Variants in BRINP3 observed in about 807,000 individuals in gnomAD.
BRINP3 encodes BMP/retinoic acid-inducible neural-specific protein 3.
A neutral mutation model predicts 71.0 loss-of-function variants in BRINP3; 19 were observed. That is an observed-to-expected ratio of 0.27 (90% confidence interval 0.19 to 0.39). The LOEUF is 0.39. Ranked by LOEUF, BRINP3 falls within the 10% of genes least tolerant of loss-of-function variation. The probability of loss-of-function intolerance (pLI) is 1.00; values close to 1 mark genes in which losing one functional copy is unlikely to be tolerated. For synonymous variants in BRINP3, 380 were observed against 337.7 expected (o/e 1.13, Z -1.37); for missense variants, 959 against 940.8 (o/e 1.02, Z -0.25).
chr1:190,280,811 A>T (rs1196418886), intron 3 of BRINP3, among the ~76,000 whole-genome samples: 1 of 151,916 alleles, frequency 6.6e-6, no homozygotes, highest in African/African-American at 2.4e-5. Flanking sequence ...GTGGGACATG[A>T]TTTGAAGTCA....
intron 6 of BRINP3, among the ~76,000 whole-genome samples, chr1:190,189,001 C>T (rs560237620): frequency 6.6e-6 from 1 of 152,218 alleles, no homozygotes; most frequent in East Asian, 1.9e-4. Flanking sequence ...ACCTCATGAT[C>T]TGCCTGCCTC....
At chr1:190,351,423 T>A (rs1368573144) in intron 2 of BRINP3, among the ~76,000 whole-genome samples, 1 of 152,174 alleles carries the variant, frequency 6.6e-6, no homozygotes, top group African/African-American at 2.4e-5. Flanking sequence ...TATTAACAAT[T>A]TATGAATATT....
intron 6 of BRINP3, among the ~76,000 whole-genome samples, chr1:190,170,322 A>G (rs815332): frequency 0.61 from 93,303 of 151,894 alleles, 30,054 homozygotes; most frequent in African/African-American, 0.83. Flanking sequence ...TGAGGGTGAG[A>G]ACAATGTTTT....
At chr1:190,291,882 T>C (rs1484718871) in intron 2 of BRINP3, among the ~76,000 whole-genome samples, 1 of 152,172 alleles carries the variant, frequency 6.6e-6, no homozygotes, top group Admixed American at 6.6e-5. Context: ...AGCCAAGACA[T>C]AGACCCAACC....
At chr1:190,317,930 T>C (rs1665993902) in intron 2 of BRINP3, among the ~76,000 whole-genome samples, 1 of 152,144 alleles carries the variant, frequency 6.6e-6, no homozygotes. Flanking sequence ...TTGATTTTCC[T>C]CTTTGACTAA....
chr1:190,319,276 G>C (rs543275491), intron 2 of BRINP3, among the ~76,000 whole-genome samples: 1 of 151,996 alleles, frequency 6.6e-6, no homozygotes, highest in East Asian at 1.9e-4. Flanking sequence ...TCTTTACATG[G>C]TTATGTCCTT....
chr1:190,408,771 G>C (rs573435103), intron 2 of BRINP3, among the ~76,000 whole-genome samples: 1 of 152,232 alleles, frequency 6.6e-6, no homozygotes, highest in Non-Finnish European at 1.5e-5. Context: ...TGTCACATGG[G>C]CATTGAATAG....
intron 7 of BRINP3, among the ~76,000 whole-genome samples, chr1:190,100,607 T>G (rs1651618851): frequency 6.6e-6 from 1 of 152,200 alleles, no homozygotes; most frequent in Non-Finnish European, 1.5e-5. Context: ...AAATCCTAGC[T>G]CTGAAGTAGC....
chr1:190,121,571 G>A (rs1367802872), intron 7 of BRINP3, among the ~76,000 whole-genome samples: 2 of 152,050 alleles, frequency 1.3e-5, no homozygotes, highest in African/African-American at 4.8e-5. Flanking sequence ...TATTACCTTG[G>A]TTCTCCTATT....
At chr1:190,357,631 A>G (rs983097080) in intron 2 of BRINP3, among the ~76,000 whole-genome samples, 1 of 152,020 alleles carries the variant, frequency 6.6e-6, no homozygotes, top group Non-Finnish European at 1.5e-5. Context: ...CTTTTGGCTT[A>G]GGATTGTCTT....
At chr1:190,127,114 G>A (rs140129944) in intron 7 of BRINP3, among the ~76,000 whole-genome samples, 66 of 151,858 alleles carry the variant, frequency 4.3e-4, no homozygotes, top group Non-Finnish European at 8.8e-4. Flanking sequence ...AATTAGTAAT[G>A]CAGCATTATG....
chr1:190,346,022 T>C (rs933037625), intron 2 of BRINP3, among the ~76,000 whole-genome samples: 10 of 151,844 alleles, frequency 6.6e-5, no homozygotes, highest in African/African-American at 2.2e-4. Flanking sequence ...AAATGGAAAA[T>C]AGTGACATTT....
intron 6 of BRINP3, among the ~76,000 whole-genome samples, chr1:190,205,276 C>T (rs998542282): frequency 2.6e-4 from 39 of 150,998 alleles, no homozygotes; most frequent in African/African-American, 9.0e-4. Context: ...GCAGAATCTT[C>T]GCAAGCCAGT....
chr1:190,105,493 T>G lies in BRINP3; in HGVS notation c.1185-6359A>C, dbSNP rs114977993. ...GTTATATTACAAGGATTATTTCATT[T>G]TCACAACTCTCACTACTCCCTGATA... On this transcript the variant is annotated intron_variant, in intron 7 of 7. Coordinates refer to ENST00000367462, the MANE Select transcript of BRINP3 (RefSeq NM_199051.3). 1.4e-3 allele frequency among the ~76,000 whole-genome samples: 215 copies of G among 152,244 alleles called. 1 individual carries two copies. Among genetic ancestry groups the G allele is most frequent in the African/African-American group, 5.0e-3 (209 of 41,572 alleles).
intron 6 of BRINP3, among the ~76,000 whole-genome samples, chr1:190,210,415 G>T (rs951732970): frequency 6.6e-6 from 1 of 151,934 alleles, no homozygotes; most frequent in Non-Finnish European, 1.5e-5. Flanking sequence ...ATGTTTTTCA[G>T]ATTAAACTGA....
chr1:190,120,238 C>A (rs532318575), intron 7 of BRINP3, among the ~76,000 whole-genome samples: 2 of 152,116 alleles, frequency 1.3e-5, no homozygotes, highest in Non-Finnish European at 2.9e-5. Flanking sequence ...TAATTTTTCT[C>A]TGTTACAACC....
At chr1:190,456,308 C>T (rs1675984044) in intron 1 of BRINP3, among the ~76,000 whole-genome samples, 1 of 152,160 alleles carries the variant, frequency 6.6e-6, no homozygotes, top group Non-Finnish European at 1.5e-5. Flanking sequence ...CATAAAAGGA[C>T]ATTCCTCACA....
chr1:190,225,797 T>C (rs866067932), intron 6 of BRINP3, among the ~76,000 whole-genome samples: 57 of 152,046 alleles, frequency 3.7e-4, no homozygotes, highest in African/African-American at 1.3e-3. Context: ...AGGTATCAGA[T>C]GATAACTTAA....
At chr1:190,163,491 T>C (rs1240585455) in intron 6 of BRINP3, among the ~76,000 whole-genome samples, 1 of 152,004 alleles carries the variant, frequency 6.6e-6, no homozygotes, top group Non-Finnish European at 1.5e-5. Flanking sequence ...TTGAGGACAA[T>C]GGAGAAACAA....
Sources: allele counts gnomAD v4.1 joint callset (sites outside exome capture counted in the v4.1 genomes callset), GRCh38; gene constraint gnomAD v4.1.1; transcripts MANE v1.5; gene names NCBI Gene and HGNC (gene_info 2026-07-23, HGNC 2026-07-21).